The following SEMA3F variants were observed in gnomAD, a reference collection of about 807,000 sequenced individuals.
SEMA3F encodes semaphorin-3F.
In SEMA3F, 30 loss-of-function variants were observed where a neutral mutation model predicts 98.5. That is an observed-to-expected ratio of 0.30 (90% confidence interval 0.23 to 0.41). The LOEUF (loss-of-function observed/expected upper bound fraction) is 0.41, where lower values mean the gene tolerates loss of function less well. Among genes scored for constraint, SEMA3F ranks in the 10% least tolerant of loss-of-function variants. The pLI is 1.00. For synonymous variants in SEMA3F, 380 were observed against 444.8 expected, an observed-to-expected ratio of 0.85 and a Z score of 1.83; for missense variants, 866 against 1,119.3, an observed-to-expected ratio of 0.77 and a Z score of 3.23.
upstream of SEMA3F, chr3:50,155,252 C>A (rs1199108719): frequency 6.0e-6 from 2 of 333,290 alleles, no homozygotes; most frequent in Non-Finnish European, 1.1e-5. This position sits in a 1 kb window ranked among gnomAD's most constrained non-coding sequence, Gnocchi z 4.9. Flanking sequence ...CGCCCGCGCC[C>A]CGCGCTGGGG....
chr3:50,183,858 G>A (rs926551560), intron 12 of SEMA3F, among the ~76,000 whole-genome samples: 3 of 152,188 alleles, frequency 2.0e-5, no homozygotes, highest in African/African-American at 7.2e-5. Flanking sequence ...GCAGGTGCTG[G>A]AGGCAGGCTG....
intron 7 of SEMA3F, among the ~76,000 whole-genome samples, chr3:50,181,626 CT>C (rs879346985): frequency 1.7e-3 from 238 of 136,468 alleles, no homozygotes; most frequent in Non-Finnish European, 1.5e-3. Context: ...TGCCCGGCCT[CT>C]TTTTTTTTTT....
At chr3:50,184,845 G>A (rs369572610) in intron 13 of SEMA3F, 31 bp downstream of exon 13, 97 of 1,555,992 alleles carry the variant, frequency 6.2e-5, no homozygotes, top group African/African-American at 4.8e-4. Flanking sequence ...CCTCTCCCAC[G>A]CTGGGCCCAC....
chr3:50,185,803 A>G, intron 15 of SEMA3F, 86 bp from the exon 16 acceptor site: 8 of 1,608,068 alleles, frequency 5.0e-6, no homozygotes, highest in Non-Finnish European at 6.8e-6. Context: ...TGAGGCATGG[A>G]ACAGGGGAGA....
At chr3:50,163,465 C>T (rs1217063212) in intron 2 of SEMA3F, among the ~76,000 whole-genome samples, 3 of 152,348 alleles carry the variant, frequency 2.0e-5, no homozygotes, top group Middle Eastern at 6.8e-3. Flanking sequence ...AGTGCCACCG[C>T]TCACATCATT....
In SEMA3F at chr3:50,158,346, C is replaced by T. The variant is rs1292513078; in HGVS notation, c.-48-1229C>T. ...ACCGCGTAAGGAGTGGGCCAAGAGG[C>T]TGAAGCTGCACTTCCTGTCTGAGGA... On this transcript the variant is annotated intron_variant, in intron 1 of 18. Coordinates refer to ENST00000002829, the MANE Select transcript of SEMA3F (RefSeq NM_004186.5). The surrounding 1 kb of genome is among the most constrained non-coding windows in gnomAD (Gnocchi z 4.8). 2.0e-5 allele frequency among the ~76,000 whole-genome samples: 3 copies of T among 152,234 alleles called. No individual in the cohort carries two copies. The highest frequency in any genetic ancestry group is 7.2e-5 in the African/African-American group (3 of 41,460).
chr3:50,180,051 T>G (rs887114222), intron 7 of SEMA3F, among the ~76,000 whole-genome samples: 1 of 152,238 alleles, frequency 6.6e-6, no homozygotes, highest in African/African-American at 2.4e-5. Flanking sequence ...CATTCACAAC[T>G]TGGCTAACTA....
chr3:50,186,511 G>A, intron 17 of SEMA3F, 102 bp from the exon 18 acceptor site: 2 of 1,471,444 alleles, frequency 1.4e-6, no homozygotes, highest in Non-Finnish European at 1.9e-6. Flanking sequence ...TCAACACAGA[G>A]CACTACATTG....
intron 18 of SEMA3F, 84 bp from the exon 19 acceptor site, chr3:50,187,621 C>T: frequency 1.6e-6 from 2 of 1,233,778 alleles, no homozygotes; most frequent in South Asian, 1.6e-5. Flanking sequence ...CACGGAATGG[C>T]CACAAAGGTG....
intron 12 of SEMA3F, chr3:50,184,167 G>A (rs1033526400): frequency 8.3e-6 from 2 of 241,252 alleles, no homozygotes; most frequent in African/African-American, 4.5e-5. Flanking sequence ...GGCAGGCTGA[G>A]CCCAGGTTCA....
intron 7 of SEMA3F, among the ~76,000 whole-genome samples, chr3:50,177,963 C>T (rs1251874783): frequency 2.6e-5 from 4 of 152,114 alleles, no homozygotes; most frequent in African/African-American, 4.8e-5. Context: ...CAAAACTAGC[C>T]GGGTGCGGTG....
At chr3:50,174,028 A>G in intron 3 of SEMA3F, 24 bp from the exon 4 acceptor site, 2 of 1,613,854 alleles carry the variant, frequency 1.2e-6, no homozygotes, top group Non-Finnish European at 8.5e-7. Context: ...AGAAGGCTGC[A>G]CCTTCTGACC....
rs979155836 is a variant in SEMA3F, at chr3:50,183,294, C to T, written c.1088+39C>T. ...CAGGGCCAGCAGTGGCAGGGAGTGG[C>T]CCCGTTGGGGGATTGTAACTCGTGG... On this transcript the variant is annotated intron_variant, in intron 11 of 18. Transcript: ENST00000002829. 2.5e-6 allele frequency: 4 copies of T among 1,609,962 alleles called. 1 individual carries two copies. The African/African-American group carries it at 5.3e-5, about 22-fold the overall frequency.
chr3:50,169,991 G>A (rs555387213), intron 2 of SEMA3F, among the ~76,000 whole-genome samples: 6 of 152,254 alleles, frequency 3.9e-5, no homozygotes, highest in Admixed American at 3.9e-4. Flanking sequence ...TTGCCTCATG[G>A]TGGAGTGGGG....
At chr3:50,162,485 G>A (rs1313384856) in intron 2 of SEMA3F, among the ~76,000 whole-genome samples, 3 of 152,250 alleles carry the variant, frequency 2.0e-5, no homozygotes, top group Non-Finnish European at 4.4e-5. Flanking sequence ...AGAGAGTGGA[G>A]CCTGGGCTGG....
intron 2 of SEMA3F, among the ~76,000 whole-genome samples, chr3:50,162,229 G>T (rs1698232863): frequency 1.3e-5 from 2 of 152,196 alleles, no homozygotes; most frequent in Admixed American, 1.3e-4. Context: ...GCCCAGGGTA[G>T]ATAAAGGAAC....
intron 2 of SEMA3F, among the ~76,000 whole-genome samples, chr3:50,169,695 C>T (rs144825876): frequency 7.9e-5 from 12 of 152,366 alleles, no homozygotes; most frequent in Admixed American, 2.0e-4. Flanking sequence ...GGAGGCATGG[C>T]GCTCCTGCTG....
chr3:50,178,754 A>T (rs555902214), intron 7 of SEMA3F, among the ~76,000 whole-genome samples: 8 of 151,608 alleles, frequency 5.3e-5, no homozygotes, highest in Non-Finnish European at 1.2e-4. Flanking sequence ...CCATGCTGTA[A>T]GCAGATGTGC....
Position 50,184,674 on chromosome 3 carries a change from C to T in SEMA3F, c.1316C>T (p.Pro439Leu). The T allele has an allele frequency of 6.2e-7, 1 of 1,614,124 alleles. No individual in the cohort carries two copies. Among genetic ancestry groups the T allele is most frequent in the Non-Finnish European group, 8.5e-7 (1 of 1,179,962 alleles). The change falls in exon 13 of 19, where the codon CCA (proline) becomes CTA (leucine). Residue 439 changes from proline (P) to leucine (L), a missense_variant. Pro to Leu is a moderately conservative substitution (Grantham distance 98, BLOSUM62 -3). This residue lies in a region of SEMA3F where 374 missense variants were observed against 582.8 expected (regional missense o/e 0.64). Transcript: ENST00000002829. ...DEVINFMRSH[P>L]LMYQAVYPLQ... is the part of the protein sequence containing the mutation. ...GTGATCAACTTCATGCGCAGCCACC[C>T]ACTCATGTACCAGGCCGTGTACCCT...
Sources: gnomAD v4.1 joint callset for allele counts (sites outside exome capture counted in the v4.1 genomes callset) on GRCh38, gnomAD v4.1.1 for gene constraint, gnomAD v4.1.1 regional missense constraint, Gnocchi (gnomAD v3.1) non-coding constraint, MANE v1.5 for transcripts, NCBI Gene and HGNC (gene_info 2026-07-23, HGNC 2026-07-21) for gene names.